KIAA1958: variants seen among roughly 807,000 people sequenced by gnomAD.
The protein encoded by KIAA1958 is KIAA1958, also known as uncharacterized protein KIAA1958.
Under a neutral mutation model 47.2 loss-of-function variants are expected in KIAA1958, and 14 were observed. That is an observed-to-expected ratio of 0.30 (90% CI 0.20 to 0.46). The LOEUF (loss-of-function observed/expected upper bound fraction) is 0.46, where lower values mean the gene tolerates loss of function less well. Among genes scored for constraint, KIAA1958 ranks in the 20% least tolerant of loss-of-function variants. The pLI is 1.00. For missense variants in KIAA1958, 803 were observed against 909.2 expected (o/e 0.88, Z 1.50); for synonymous variants, 354 against 353.3 (o/e 1.00, Z -0.02).
At chr9:112,648,033 G>T (rs965788592) in intron 3 of KIAA1958, among the ~76,000 whole-genome samples, 3 of 152,218 alleles carry the variant, frequency 2.0e-5, no homozygotes, top group Admixed American at 2.0e-4. Flanking sequence ...GGGAACATGT[G>T]ACTCATACAT....
intron 1 of KIAA1958, among the ~76,000 whole-genome samples, chr9:112,520,963 T>C (rs562405826): frequency 5.9e-5 from 9 of 152,288 alleles, no homozygotes; most frequent in African/African-American, 1.9e-4. Context: ...ATGTGTGCCA[T>C]CTCCTTCTTT....
chr9:112,631,076 AATTT>A (rs1210015677), intron 2 of KIAA1958, among the ~76,000 whole-genome samples: 9 of 152,364 alleles, frequency 5.9e-5, no homozygotes, highest in South Asian at 2.1e-4. Context: ...ATTTATTTTC[AATTT>A]ATTCATATCT....
intron 1 of KIAA1958, among the ~76,000 whole-genome samples, chr9:112,547,116 C>G (rs1369029610): frequency 6.6e-6 from 1 of 151,984 alleles, no homozygotes; most frequent in Non-Finnish European, 1.5e-5. Context: ...GTAGCTCACT[C>G]CTGTAATCCC....
intron 2 of KIAA1958, among the ~76,000 whole-genome samples, chr9:112,590,353 T>C (rs79393720): frequency 1.3e-5 from 2 of 149,728 alleles, no homozygotes; most frequent in East Asian, 3.9e-4. Context: ...CACCCTTCTT[T>C]TTTTTTTTTT....
intron 3 of KIAA1958, among the ~76,000 whole-genome samples, chr9:112,647,558 C>G (rs2131244839): frequency 6.6e-6 from 1 of 152,182 alleles, no homozygotes; most frequent in South Asian, 2.1e-4. Flanking sequence ...ACACGAAGGC[C>G]TTTAGATAGC....
At chr9:112,522,402 C>T (rs1364810856) in intron 1 of KIAA1958, among the ~76,000 whole-genome samples, 3 of 152,202 alleles carry the variant, frequency 2.0e-5, no homozygotes, top group Non-Finnish European at 4.4e-5. Context: ...ACCCAGGTTT[C>T]ACCTTGTCCT....
At chr9:112,607,443 G>A (rs573686967) in intron 2 of KIAA1958, among the ~76,000 whole-genome samples, 3 of 152,172 alleles carry the variant, frequency 2.0e-5, no homozygotes, top group Non-Finnish European at 2.9e-5. Context: ...TAAAATAAAC[G>A]TTCCCTTTTG....
At chr9:112,507,532 A>G (rs1834252186) in intron 1 of KIAA1958, among the ~76,000 whole-genome samples, 1 of 151,982 alleles carries the variant, frequency 6.6e-6, no homozygotes, top group African/African-American at 2.4e-5. Context: ...ATTTTTTTAT[A>G]GAGATAGGGC....
chr9:112,528,701 G>A lies in KIAA1958; in HGVS notation c.-25+41583G>A, dbSNP rs138965105. Among the ~76,000 whole-genome samples, 714 of 150,884 alleles carry A rather than the reference G, an allele frequency of 4.7e-3. 3 individuals are homozygous for A. Among genetic ancestry groups the A allele is most frequent in the African/African-American group, 0.017 (688 of 40,918 alleles). ...CGACTGGCTAATTTTTGTATTTTTC[G>A]TAGAGATGGGGTTTCACTGTGTTGG... is the stretch of plus-strand genomic sequence containing the variant. On this transcript the variant is annotated intron_variant, in intron 1 of 3. Coordinates refer to ENST00000337530, the MANE Select transcript of KIAA1958 (RefSeq NM_133465.4).
intron 1 of KIAA1958, among the ~76,000 whole-genome samples, chr9:112,520,512 C>T (rs1167720690): frequency 6.6e-6 from 1 of 151,926 alleles, no homozygotes; most frequent in Non-Finnish European, 1.5e-5. Context: ...AATTAATATC[C>T]CCAAACTTAA....
chr9:112,503,606 G>T (rs937511849), intron 1 of KIAA1958, among the ~76,000 whole-genome samples: 5 of 111,492 alleles, frequency 4.5e-5, no homozygotes, highest in African/African-American at 7.3e-5. Context: ...AACAGAGCGA[G>T]ACCCTGTCTC....
intron 2 of KIAA1958, among the ~76,000 whole-genome samples, chr9:112,633,205 CTTTTTT>C (rs757103610): frequency 7.1e-6 from 1 of 140,704 alleles, no homozygotes; most frequent in South Asian, 2.3e-4. Flanking sequence ...TGTTATGATA[CTTTTTT>C]TTTTTTTTAG....
intron 2 of KIAA1958, among the ~76,000 whole-genome samples, chr9:112,614,561 TACTTG>T (rs1178242893): frequency 6.6e-6 from 1 of 152,242 alleles, no homozygotes; most frequent in Non-Finnish European, 1.5e-5. Flanking sequence ...TTATTCCTAT[TACTTG>T]ACTTTAAAAC....
chr9:112,613,082 T>G (rs146368907), intron 2 of KIAA1958, among the ~76,000 whole-genome samples: 62 of 152,250 alleles, frequency 4.1e-4, no homozygotes, highest in African/African-American at 1.5e-3. Flanking sequence ...ACTTGAAAAT[T>G]ATATATAATC....
intron 2 of KIAA1958, among the ~76,000 whole-genome samples, chr9:112,605,828 G>C (rs993571020): frequency 6.6e-6 from 1 of 152,136 alleles, no homozygotes; most frequent in Admixed American, 6.5e-5. Context: ...TTAACTAAAA[G>C]ATATTTTTAG....
At chr9:112,522,229 C>G (rs1422850170) in intron 1 of KIAA1958, among the ~76,000 whole-genome samples, 2 of 152,208 alleles carry the variant, frequency 1.3e-5, no homozygotes, top group Admixed American at 1.3e-4. Flanking sequence ...CCTCGGCCTC[C>G]CAAAGTGCTG....
At chr9:112,508,883 T>G (rs566124706) in intron 1 of KIAA1958, among the ~76,000 whole-genome samples, 79 of 152,330 alleles carry the variant, frequency 5.2e-4, no homozygotes, top group African/African-American at 1.8e-3. Context: ...TTAAAATTTT[T>G]TCACTTTTAT....
chr9:112,532,613 C>CTGGTA (rs1403665316), intron 1 of KIAA1958, among the ~76,000 whole-genome samples: 3 of 152,206 alleles, frequency 2.0e-5, no homozygotes, highest in Non-Finnish European at 2.9e-5. Context: ...TACCACAGCA[C>CTGGTA]TGGTAGTCCA....
rs529175047 is a variant in KIAA1958 at position 112,631,339 on chromosome 9, C to T, written c.1172-14311C>T. Among the ~76,000 whole-genome samples, 20 of 151,966 alleles carry T rather than the reference C, an allele frequency of 1.3e-4. No homozygotes were observed. In the South Asian group the frequency reaches 1.9e-3, roughly 14 times the overall value. ...GGGGTTCAAGACCAGCCTAGGCAGG[C>T]AGCATAGTGAGACCCCATCTCTACA... On this transcript the variant is annotated intron_variant, in intron 2 of 3. Transcript: ENST00000337530.
Sources: gnomAD v4.1 joint callset for allele counts (sites outside exome capture counted in the v4.1 genomes callset) on GRCh38, gnomAD v4.1.1 for gene constraint, MANE v1.5 for transcripts, NCBI Gene and HGNC (gene_info 2026-07-23, HGNC 2026-07-21) for gene names.